The following EMC8 variants were observed in gnomAD, a reference collection of about 807,000 sequenced individuals.
The protein encoded by EMC8 is ER membrane protein complex subunit 8, also known as COX4 neighbor.
In EMC8, 11 loss-of-function variants were observed where a neutral mutation model predicts 24.3. The observed-to-expected ratio is 0.45, with a 90% CI of 0.28 to 0.75. The LOEUF (loss-of-function observed/expected upper bound fraction) is 0.75. Ranked by LOEUF, EMC8 falls within the 30% of genes least tolerant of loss-of-function variation. The pLI, the probability that EMC8 is intolerant of heterozygous loss-of-function variation, is 0.12. For missense variants in EMC8, 277 were observed against 282.7 expected (o/e 0.98, Z 0.14); for synonymous variants, 145 against 117.7 (o/e 1.23, Z -1.50).
chr16:85,786,547 C>CA (rs2152073985), intron 2 of EMC8, among the ~76,000 whole-genome samples: 1 of 152,316 alleles, frequency 6.6e-6, no homozygotes, highest in East Asian at 1.9e-4. Flanking sequence ...CCTCCTCAAA[C>CA]AACTGGGCAC....
chr16:85,791,336 T>C (rs1905001699), intron 1 of EMC8, among the ~76,000 whole-genome samples: 2 of 152,200 alleles, frequency 1.3e-5, no homozygotes, highest in Admixed American at 6.5e-5. Context: ...AGTTCTGGGA[T>C]ACATGTGCAG....
chr16:85,797,345 T>C lies in EMC8; in HGVS notation c.231+1720A>G, dbSNP rs111437201. Among the ~76,000 whole-genome samples the C allele has an allele frequency of 5.7e-3, 874 of 152,230 alleles. 5 individuals carry two copies. Among genetic ancestry groups the C allele is most frequent in the African/African-American group, 0.02 (816 of 41,518 alleles). On this transcript the variant is annotated intron_variant, in intron 1 of 4. Transcript: ENST00000253457. ...ATCACCTGAATCTGGGAGGTGGAAG[T>C]TGCAGTGAGCCGAGATCATGCCATT...
Position 85,780,420 on chromosome 16 carries a change from G to C in EMC8, c.432C>G (p.Tyr144Ter). Reference sequence around the variant, plus strand: ...ACCGCCATCTGTTCTCATGGTGCTCGTACACGTGGATCGTAGGCGCTACGC... The same window carrying C: ...ACCGCCATCTGTTCTCATGGTGCTCCTACACGTGGATCGTAGGCGCTACGC... ...MDCVAPTIHV[Y>*]EHHENRWRCR... Residue 144 changes from tyrosine (Y) to a stop codon, truncating the protein, a stop_gained, in exon 4 of 5, where the codon TAC becomes TAG. Transcript: ENST00000253457. LOFTEE classifies it high-confidence loss of function. The C allele has an allele frequency of 6.2e-7, 1 of 1,614,170 alleles. No homozygotes were observed. The highest frequency in any genetic ancestry group is 8.5e-7 in the Non-Finnish European group (1 of 1,179,976).
intron 1 of EMC8, among the ~76,000 whole-genome samples, chr16:85,790,377 C>T (rs560982650): frequency 1.3e-5 from 2 of 152,268 alleles, no homozygotes; most frequent in Non-Finnish European, 2.9e-5. Flanking sequence ...AAAACCAGGG[C>T]TCAGTGAACC....
At chr16:85,790,913 A>C (rs767583144) in intron 1 of EMC8, among the ~76,000 whole-genome samples, 1 of 151,954 alleles carries the variant, frequency 6.6e-6, no homozygotes, top group Non-Finnish European at 1.5e-5. Flanking sequence ...TGCAGCCTTG[A>C]ACTCCTGGGC....
Position 85,779,099 on chromosome 16 carries a change from A to G in EMC8, c.*609T>C, listed in dbSNP as rs1167846006. 6.6e-6 allele frequency: 1 copy of G among 152,288 alleles called. No homozygotes were observed. Among genetic ancestry groups the G allele is most frequent in the African/African-American group, 2.4e-5 (1 of 41,456 alleles). 9.4% of individuals were successfully genotyped at this position (152,288 alleles called of 1,614,324 possible). ...TAACGATAAAGGCTTCTGTGGCATC[A>G]GTGGTGTCACTCCCGCTGGGCAGAG... On this transcript the variant is annotated 3_prime_UTR_variant, in exon 5 of 5. Coordinates refer to ENST00000253457, the MANE Select transcript of EMC8 (RefSeq NM_006067.5).
In EMC8 at chr16:85,786,824, G is replaced by C. The variant is rs570458398; in HGVS notation, c.308+2150C>G. ...GGGCTGTAACGAGGTCAGCACAGAG[G>C]TAAGAACATGAGAGCTGTGAGCCAG... is the stretch of plus-strand genomic sequence containing the variant. On this transcript the variant is annotated intron_variant, in intron 2 of 4. Transcript: ENST00000253457. Among the ~76,000 whole-genome samples the C allele has an allele frequency of 6.6e-5, 10 of 152,332 alleles. No individual in the cohort carries two copies. In the South Asian group the frequency reaches 1.9e-3, roughly 28 times the overall value.
At chr16:85,783,927 C>T (rs1904630257) in intron 2 of EMC8, among the ~76,000 whole-genome samples, 1 of 152,246 alleles carries the variant, frequency 6.6e-6, no homozygotes, top group South Asian at 2.1e-4. Flanking sequence ...TGCTTTCCTT[C>T]TGTGCATCCT....
At position 85,799,185 on chromosome 16, in the gene EMC8, C is replaced by T. The variant is rs2233451; in HGVS notation, c.111G>A (p.Pro37=). The T allele has an allele frequency of 1.9e-3, 3,042 of 1,612,796 alleles. 56 individuals carry two copies. In the African/African-American group the frequency reaches 0.035, roughly 19 times the overall value. ...NGLLVAEKQK[P]RKEHLPLGGP... ...CGCCCAGGGGGAGGTGCTCCTTACG[C>T]GGCTTCTGCTTCTCGGCCACCAGGA... The change falls in exon 1 of 5, where the codon CCG becomes CCA. Residue 37 remains proline, a synonymous_variant. Coordinates refer to ENST00000253457, the MANE Select transcript of EMC8 (RefSeq NM_006067.5). This position sits in a 1 kb window ranked among gnomAD's most constrained non-coding sequence, Gnocchi z 4.2.
chr16:85,792,497 G>A (rs1168021347), intron 1 of EMC8: 2 of 152,248 alleles, frequency 1.3e-5, no homozygotes, highest in Non-Finnish European at 2.9e-5. Flanking sequence ...GGGAGGAACG[G>A]AGACTCGGCC....
At chr16:85,798,113 C>A (rs1364553154) in intron 1 of EMC8, among the ~76,000 whole-genome samples, 1 of 106,316 alleles carries the variant, frequency 9.4e-6, no homozygotes, top group Non-Finnish European at 1.9e-5. Flanking sequence ...CACAGAAATT[C>A]GTTTTTTTTT....
chr16:85,792,081 T>C (rs553354940), intron 1 of EMC8, among the ~76,000 whole-genome samples: 1 of 152,340 alleles, frequency 6.6e-6, no homozygotes, highest in Admixed American at 6.5e-5. Context: ...ACTCCATCTC[T>C]TTCCTGGGCT....
intron 1 of EMC8, among the ~76,000 whole-genome samples, chr16:85,798,013 T>G (rs1035995289): frequency 6.6e-6 from 1 of 151,882 alleles, no homozygotes; most frequent in African/African-American, 2.4e-5. Context: ...ATGCTACATC[T>G]TTTTTCCCAC....
chr16:85,799,134 G>A lies in EMC8; in HGVS notation c.162C>T (p.Phe54=), dbSNP rs934011621. The A allele has an allele frequency of 6.2e-7, 1 of 1,600,324 alleles. No homozygotes were observed. The highest frequency in any genetic ancestry group is 8.5e-7 in the Non-Finnish European group (1 of 1,173,742). ...CGTGGAAGAGGGGGATGCAGTCCAC[G>A]AAGAGGGTGTGGTGGGCGCCGGGGC... ...LGGPGAHHTL[F]VDCIPLFHGT... The change falls in exon 1 of 5, where the codon TTC becomes TTT. Residue 54 remains phenylalanine, a synonymous_variant. Transcript: ENST00000253457. The surrounding 1 kb of genome is among the most constrained non-coding windows in gnomAD (Gnocchi z 4.2).
rs1303086284 is a variant in EMC8, at chr16:85,780,373, A to G, written c.473+6T>C. 1.2e-6 allele frequency: 2 copies of G among 1,612,002 alleles called. No individual in the cohort carries two copies. Among genetic ancestry groups the G allele is most frequent in the Non-Finnish European group, 8.5e-7 (1 of 1,178,246 alleles). The stretch of plus-strand genomic sequence containing the variant: ...CAGCCCGCGCGGCAGCATGGGGCGC[A>G]CTCACTGGTGTGGGTCTCTGCACCG... On this transcript the variant is annotated splice_donor_region_variant and intron_variant, in intron 4 of 4. Coordinates refer to ENST00000253457, the MANE Select transcript of EMC8 (RefSeq NM_006067.5).
intron 1 of EMC8, among the ~76,000 whole-genome samples, chr16:85,797,406 C>T (rs184106004): frequency 2.0e-4 from 30 of 152,130 alleles, no homozygotes; most frequent in Non-Finnish European, 3.1e-4. Flanking sequence ...GAAACTCCAT[C>T]TCAAAAAAAC....
In EMC8 at chr16:85,799,431, A is replaced by T; in HGVS notation, c.-136T>A. 4.0e-6 allele frequency: 2 copies of T among 498,160 alleles called. No homozygotes were observed. The highest frequency in any genetic ancestry group is 7.2e-5 in the South Asian group (2 of 27,692). The allele number at this position is 498,160 out of a possible 1,614,324, so 30.9% of individuals were successfully genotyped here. On this transcript the variant is annotated 5_prime_UTR_variant, in exon 1 of 5. Transcript: ENST00000253457. This position sits in a 1 kb window ranked among gnomAD's most constrained non-coding sequence, Gnocchi z 4.2. ...TGGCGCGGCCGCGGGCTGGCGGGGG[A>T]CCCTTCAGGCCCGGCCCCGTTTGGG...
chr16:85,779,637 T>G lies in EMC8; in HGVS notation c.*71A>C, dbSNP rs1464561630. On this transcript the variant is annotated 3_prime_UTR_variant, in exon 5 of 5. Transcript: ENST00000253457. ...CCACACAGGCTACAAGATATTTTAT[T>G]TACATTTAAAAATAGGTTTTCTTCT... The G allele has an allele frequency of 6.7e-7, 1 of 1,494,236 alleles. No homozygotes were observed. Among genetic ancestry groups the G allele is most frequent in the African/African-American group, 1.4e-5 (1 of 72,444 alleles). The allele number at this position is 1,494,236 out of a possible 1,614,324, so 92.6% of individuals were successfully genotyped here.
At chr16:85,781,054 C>A (rs554632193) in intron 3 of EMC8, 157 bp downstream of exon 3, 6 of 608,780 alleles carry the variant, frequency 9.9e-6, no homozygotes, top group Middle Eastern at 8.9e-4. Flanking sequence ...TGGGATTCAA[C>A]TGGTCTGCAG....
Sources: allele counts gnomAD v4.1 joint callset (sites outside exome capture counted in the v4.1 genomes callset), GRCh38; gene constraint gnomAD v4.1.1; non-coding constraint Gnocchi (gnomAD v3.1); transcripts MANE v1.5; gene names NCBI Gene and HGNC (gene_info 2026-07-23, HGNC 2026-07-21).